Variants in LRGUK observed in about 807,000 individuals in gnomAD.
The protein encoded by LRGUK is leucine rich repeats and guanylate kinase domain containing.
Under a neutral mutation model 76.0 loss-of-function variants are expected in LRGUK, and 65 were observed. That is an observed-to-expected ratio of 0.85 (90% CI 0.70 to 1.05). The LOEUF (loss-of-function observed/expected upper bound fraction) is 1.05. Among genes scored for constraint, LRGUK ranks in the 50% least tolerant of loss-of-function variants. The pLI is 0.00. For synonymous variants in LRGUK, 268 were observed against 265.6 expected, an observed-to-expected ratio of 1.01 and a Z score of -0.09; for missense variants, 758 against 732.8, an observed-to-expected ratio of 1.03 and a Z score of -0.40.
downstream of LRGUK, among the ~76,000 whole-genome samples, chr7:134,265,858 T>C (rs545793482): frequency 1.3e-5 from 2 of 152,110 alleles, no homozygotes; most frequent in Non-Finnish European, 2.9e-5. Context: ...TGGAGAGTAT[T>C]AGAAAAGGTC....
intron 7 of LRGUK, among the ~76,000 whole-genome samples, chr7:134,171,611 T>C (rs1343410854): frequency 6.6e-6 from 1 of 151,680 alleles, no homozygotes; most frequent in Non-Finnish European, 1.5e-5. Flanking sequence ...GGGATGGGGG[T>C]GTGGACTATC....
At chr7:134,258,177 A>G in intron 18 of LRGUK, 80 bp from the exon 19 acceptor site, 4 of 1,547,148 alleles carry the variant, frequency 2.6e-6, no homozygotes, top group Non-Finnish European at 2.7e-6. Context: ...AACCCAGTGA[A>G]GTCATAGGCA....
intron 1 of LRGUK, among the ~76,000 whole-genome samples, chr7:134,136,441 C>T (rs977558531): frequency 6.6e-6 from 1 of 152,072 alleles, no homozygotes; most frequent in African/African-American, 2.4e-5. Context: ...GAGATAATTG[C>T]CTTAATTTGA....
chr7:134,258,957 C>A (rs1473292547), intron 19 of LRGUK, among the ~76,000 whole-genome samples: 2 of 152,142 alleles, frequency 1.3e-5, no homozygotes, highest in Admixed American at 1.3e-4. Flanking sequence ...GCTGCACTGT[C>A]CACCCGGCCA....
At chr7:134,129,218 C>G (rs1400569444) in intron 1 of LRGUK, among the ~76,000 whole-genome samples, 3 of 129,338 alleles carry the variant, frequency 2.3e-5, no homozygotes, top group Non-Finnish European at 3.3e-5. Flanking sequence ...TCCTGCCTCC[C>G]CCTCTCTCCC....
In LRGUK at chr7:134,135,947, C is replaced by T. The variant is rs138164181; in HGVS notation, c.298-1076C>T. ...CTGGGATTACAGGCGTGAGCCACCG[C>T]GCCCGGCAAGAAGCTCTTTATCATA... On this transcript the variant is annotated intron_variant, in intron 1 of 15. Coordinates refer to ENST00000645682, the Ensembl canonical transcript of LRGUK. 7.6e-3 allele frequency among the ~76,000 whole-genome samples: 1,160 copies of T among 152,324 alleles called. 53 individuals carry two copies. The East Asian group carries it at 0.12, about 16-fold the overall frequency.
At chr7:134,206,710 A>G (rs923543024) in intron 15 of LRGUK, among the ~76,000 whole-genome samples, 6 of 152,184 alleles carry the variant, frequency 3.9e-5, no homozygotes, top group Admixed American at 6.5e-5. Context: ...GGTAAAAACT[A>G]TATTCACAAC....
At chr7:134,127,581 C>G (rs768206338) in exon 1 of LRGUK, 2 of 1,614,220 alleles carry the variant, frequency 1.2e-6, no homozygotes, top group Non-Finnish European at 1.7e-6. Context: ...CTATCAGGAG[C>G]TGGACTCGGA....
At chr7:134,179,270 T>C (rs1247913819) in intron 10 of LRGUK, among the ~76,000 whole-genome samples, 2 of 152,218 alleles carry the variant, frequency 1.3e-5, no homozygotes, top group African/African-American at 4.8e-5. Flanking sequence ...TTCATTTCTT[T>C]TTAAAACAAT....
the LRGUK span, among the ~76,000 whole-genome samples, chr7:134,273,232 A>G: frequency 6.6e-6 from 1 of 152,062 alleles, no homozygotes; most frequent in African/African-American, 2.4e-5. Flanking sequence ...GGGAAGACAT[A>G]TTGGGATGTA....
At chr7:134,249,902 T>G (rs1014799611) in intron 18 of LRGUK, among the ~76,000 whole-genome samples, 1 of 152,212 alleles carries the variant, frequency 6.6e-6, no homozygotes, top group Non-Finnish European at 1.5e-5. Context: ...TTGGGTCAAT[T>G]GCCATCTACT....
At chr7:134,168,643 T>C (rs981419212) in intron 7 of LRGUK, among the ~76,000 whole-genome samples, 6 of 152,012 alleles carry the variant, frequency 3.9e-5, no homozygotes, top group African/African-American at 1.5e-4. Context: ...AAGGCTGGGG[T>C]CTAGAGTTAT....
intron 13 of LRGUK, among the ~76,000 whole-genome samples, chr7:134,198,889 T>A (rs972276686): frequency 2.0e-5 from 3 of 152,208 alleles, no homozygotes; most frequent in African/African-American, 7.2e-5. Flanking sequence ...TGAAATTACC[T>A]TTCTGTAATA....
chr7:134,156,079 T>G (rs563155416), intron 5 of LRGUK, among the ~76,000 whole-genome samples: 15 of 152,322 alleles, frequency 9.8e-5, no homozygotes, highest in African/African-American at 3.4e-4. Flanking sequence ...ACTCTCTCAG[T>G]AGTATAAAAG....
intron 13 of LRGUK, among the ~76,000 whole-genome samples, chr7:134,198,679 A>G (rs1316936739): frequency 6.6e-6 from 1 of 152,138 alleles, no homozygotes; most frequent in Non-Finnish European, 1.5e-5. Context: ...AGACTCACAG[A>G]CCAGTCAGTT....
At position 134,235,045 on chromosome 7, in the gene LRGUK, G is replaced by A. The variant is rs745997068; in HGVS notation, c.1984-12511G>A. Among the ~76,000 whole-genome samples the A allele has an allele frequency of 5.9e-5, 9 of 152,042 alleles. 1 individual carries two copies. Among genetic ancestry groups the A allele is most frequent in the South Asian group, 2.1e-4 (1 of 4,826 alleles). On this transcript the variant is annotated intron_variant, in intron 16 of 19. Transcript: ENST00000285928. The stretch of plus-strand genomic sequence containing the variant: ...TTCCATTATTTGTCACCTAGATCAC[G>A]GCAGCCACCTCTTAAGTGGTCTCTT...
intron 14 of LRGUK, 78 bp from the exon 15 acceptor site, chr7:134,201,403 A>G: frequency 8.8e-7 from 1 of 1,140,956 alleles, no homozygotes; most frequent in South Asian, 1.3e-5. Context: ...CAGTAAACAA[A>G]TCATTACCAC....
chr7:134,190,918 G>T (rs1800201873), intron 11 of LRGUK, among the ~76,000 whole-genome samples: 1 of 152,272 alleles, frequency 6.6e-6, no homozygotes, highest in Non-Finnish European at 1.5e-5. Flanking sequence ...GCGGTAAGCA[G>T]TTCTGGGGAT....
At chr7:134,169,337 C>G (rs1799148953) in intron 7 of LRGUK, among the ~76,000 whole-genome samples, 1 of 152,166 alleles carries the variant, frequency 6.6e-6, no homozygotes, top group Non-Finnish European at 1.5e-5. Context: ...GAGCACAGGA[C>G]TGCTGACACC....
Sources: gnomAD v4.1 joint callset for allele counts (sites outside exome capture counted in the v4.1 genomes callset) on GRCh38, gnomAD v4.1.1 for gene constraint, MANE v1.5 for transcripts, NCBI Gene and HGNC (gene_info 2026-07-23, HGNC 2026-07-21) for gene names.